The following UBR3 variants were observed in gnomAD, a reference collection of about 807,000 sequenced individuals.
The protein encoded by UBR3 is E3 ubiquitin-protein ligase UBR3.
UBR3 carries 85 observed loss-of-function variants against 243.2 expected under a neutral mutation model. That is an observed-to-expected ratio of 0.35 (90% CI 0.29 to 0.42). The LOEUF (loss-of-function observed/expected upper bound fraction) is 0.42. Among genes scored for constraint, UBR3 ranks in the 10% least tolerant of loss-of-function variants. The probability of loss-of-function intolerance (pLI) is 1.00; values close to 1 mark genes in which losing one functional copy is unlikely to be tolerated. For missense variants in UBR3, 1,686 were observed against 2,300.8 expected (o/e 0.73, Z 5.47); for synonymous variants, 748 against 799.8 (o/e 0.94, Z 1.09).
chr2:169,974,780 A>G (rs13383597), intron 24 of UBR3, among the ~76,000 whole-genome samples: 222 of 152,154 alleles, frequency 1.5e-3, no homozygotes, highest in African/African-American at 5.1e-3. Context: ...TACTTTTTCA[A>G]TGTAGGTGTT....
intron 29 of UBR3, chr2:170,014,251 A>G (rs2090169062): frequency 6.5e-6 from 1 of 154,374 alleles, no homozygotes; most frequent in East Asian, 1.9e-4. Flanking sequence ...TCCATGTTCA[A>G]AATTCAGCCA....
chr2:169,958,598 T>G, intron 24 of UBR3, 72 bp downstream of exon 24: 1 of 1,332,442 alleles, frequency 7.5e-7, no homozygotes, highest in Non-Finnish European at 1.0e-6. Flanking sequence ...AGTCCAGTCT[T>G]TTACTAATTT....
intron 25 of UBR3, among the ~76,000 whole-genome samples, chr2:169,993,614 C>T (rs140685438): frequency 1.3e-5 from 2 of 152,240 alleles, no homozygotes; most frequent in African/African-American, 4.8e-5. Context: ...TTCCTTCCAA[C>T]AGCATTACAT....
intron 35 of UBR3, 109 bp from the exon 36 acceptor site, chr2:170,073,319 T>G: frequency 1.5e-6 from 2 of 1,295,082 alleles, no homozygotes; most frequent in Non-Finnish European, 2.2e-6. Flanking sequence ...TTGACTCAGT[T>G]AAGAAAGTTT....
intron 25 of UBR3, among the ~76,000 whole-genome samples, chr2:169,993,476 C>G (rs1198634115): frequency 6.6e-6 from 1 of 152,092 alleles, no homozygotes; most frequent in South Asian, 2.1e-4. Context: ...TTCTCTAGCC[C>G]CTTTTTAAAG....
intron 10 of UBR3, among the ~76,000 whole-genome samples, chr2:169,913,683 C>T (rs540532954): frequency 1.3e-5 from 2 of 152,236 alleles, no homozygotes; most frequent in South Asian, 4.1e-4. Context: ...ACTGTCGCTA[C>T]TATCCATGTC....
chr2:169,828,547 T>G (rs2081823217), intron 1 of UBR3, among the ~76,000 whole-genome samples: 1 of 151,754 alleles, frequency 6.6e-6, no homozygotes. Context: ...GAAGGACGCT[T>G]GAGGAAAAGG....
In UBR3 at chr2:169,878,820, AT is replaced by A. The variant is rs546127290; in HGVS notation, c.1038+251del. ...GATTTTTACTTCTTGTTTATAATTC[AT>A]TTTTCTTTTTCACAGTTTAAAAGTG... On this transcript the variant is annotated intron_variant, in intron 5 of 38. Transcript: ENST00000272793. Among the ~76,000 whole-genome samples, 108 of 152,164 alleles carry A rather than the reference AT, an allele frequency of 7.1e-4. 1 individual carries two copies. The highest frequency in any genetic ancestry group is 1.4e-3 in the Non-Finnish European group (96 of 67,986).
chr2:169,872,465 T>C (rs573565485), intron 2 of UBR3, 90 bp downstream of exon 2: 132 of 950,324 alleles, frequency 1.4e-4, no homozygotes, highest in Middle Eastern at 3.0e-4. Context: ...TTTTTTTAGA[T>C]ATCTTTTTTT....
intron 31 of UBR3, 65 bp downstream of exon 31, chr2:170,029,513 A>G (rs2090616095): frequency 7.8e-7 from 1 of 1,280,228 alleles, no homozygotes. Flanking sequence ...TTAAATATAA[A>G]AATGGAATTG....
intron 35 of UBR3, among the ~76,000 whole-genome samples, chr2:170,068,525 A>G (rs538491641): frequency 3.3e-5 from 5 of 152,194 alleles, no homozygotes; most frequent in Non-Finnish European, 7.3e-5. Context: ...GATCTAAATC[A>G]TTATCTAAGT....
chr2:169,879,849 C>A lies in UBR3; in HGVS notation c.1038+1275C>A, dbSNP rs992574067. Among the ~76,000 whole-genome samples, 3 of 151,912 alleles carry A rather than the reference C, an allele frequency of 2.0e-5. No individual in the cohort carries two copies. The East Asian group carries it at 5.8e-4, about 29-fold the overall frequency. ...ATAACTTCTGAGAATCATATTGTTA[C>A]AATGACAAATGGGAAAAATTTTCTG... On this transcript the variant is annotated intron_variant, in intron 5 of 38. Coordinates refer to ENST00000272793, the MANE Select transcript of UBR3 (RefSeq NM_172070.4).
chr2:169,870,096 A>T (rs1278330270), intron 1 of UBR3, among the ~76,000 whole-genome samples: 6 of 152,098 alleles, frequency 3.9e-5, no homozygotes, highest in African/African-American at 1.4e-4. Flanking sequence ...TCCATTTCTT[A>T]CATTTGATTT....
intron 30 of UBR3, among the ~76,000 whole-genome samples, chr2:170,016,070 C>G (rs1237818984): frequency 2.0e-5 from 3 of 150,502 alleles, no homozygotes; most frequent in Non-Finnish European, 4.4e-5. Flanking sequence ...GGAAATAAAA[C>G]TTGTTTAAAA....
chr2:169,846,235 T>A (rs1348103409), intron 1 of UBR3, among the ~76,000 whole-genome samples: 1 of 152,240 alleles, frequency 6.6e-6, no homozygotes, highest in Non-Finnish European at 1.5e-5. Context: ...TTTGGAGTTC[T>A]GTTGTTAGGT....
chr2:169,981,148 A>G (rs367823401), intron 24 of UBR3, among the ~76,000 whole-genome samples: 4 of 152,286 alleles, frequency 2.6e-5, no homozygotes, highest in East Asian at 1.9e-4. Context: ...GAAGTTTCCT[A>G]TGCAGAAGAA....
intron 7 of UBR3, among the ~76,000 whole-genome samples, chr2:169,895,938 T>C (rs1361475309): frequency 6.6e-6 from 1 of 151,996 alleles, no homozygotes; most frequent in Non-Finnish European, 1.5e-5. Context: ...GTCATTGTTT[T>C]GTGTGTCTTT....
intron 24 of UBR3, among the ~76,000 whole-genome samples, chr2:169,960,030 C>T (rs186839480): frequency 1.8e-3 from 274 of 152,084 alleles, no homozygotes; most frequent in African/African-American, 6.3e-3. Context: ...GTGGGTGGAT[C>T]ACTTGAGGTC....
intron 23 of UBR3, among the ~76,000 whole-genome samples, chr2:169,955,595 A>C (rs1349687438): frequency 6.6e-6 from 1 of 151,836 alleles, no homozygotes; most frequent in Admixed American, 6.6e-5. Context: ...GGAGTTCGAG[A>C]TCAGCCTGGC....
Sources: allele counts gnomAD v4.1 joint callset (sites outside exome capture counted in the v4.1 genomes callset), GRCh38; gene constraint gnomAD v4.1.1; transcripts MANE v1.5; gene names NCBI Gene and HGNC (gene_info 2026-07-23, HGNC 2026-07-21).